DNAJC13: variants seen among roughly 807,000 people sequenced by gnomAD.
The protein encoded by DNAJC13 is DnaJ heat shock protein family (Hsp40) member C13.
In DNAJC13, 75 loss-of-function variants were observed where a neutral mutation model predicts 290.5. That is an observed-to-expected ratio of 0.26 (90% CI 0.21 to 0.31). DNAJC13 has a LOEUF of 0.31. DNAJC13 is among the 10% of genes least tolerant of loss of function. The probability of loss-of-function intolerance (pLI) is 1.00; values close to 1 mark genes in which losing one functional copy is unlikely to be tolerated. For missense variants in DNAJC13, 2,260 were observed against 2,674.5 expected, an observed-to-expected ratio of 0.85 and a Z score of 3.42; for synonymous variants, 862 against 892.0, an observed-to-expected ratio of 0.97 and a Z score of 0.60.
chr3:132,526,092 T>A, intron 52 of DNAJC13, 49 bp from the exon 53 acceptor site: 1 of 1,603,814 alleles, frequency 6.2e-7, no homozygotes, highest in Non-Finnish European at 8.5e-7. Context: ...TTTACTATGT[T>A]ATATAAATAT....
At chr3:132,420,769 TAAGTCC>T (rs1010725991) in intron 1 of DNAJC13, among the ~76,000 whole-genome samples, 4 of 151,980 alleles carry the variant, frequency 2.6e-5, no homozygotes, top group Non-Finnish European at 4.4e-5. Flanking sequence ...AATCATAAAC[TAAGTCC>T]AACTCCTAAC....
Position 132,457,365 on chromosome 3 carries a change from G to A in DNAJC13, c.1446G>A (p.Met482Ile). ...HAAVDMLCALMCPMHDDYDLR... is the reference protein window; with the variant it reads ...HAAVDMLCALICPMHDDYDLR... The stretch of plus-strand genomic sequence containing the variant: ...CAGTTGATATGCTTTGTGCCCTTAT[G>A]TGTGTAAGTAGTAGTTTTCTTAAGG... Residue 482 changes from methionine to isoleucine, a missense_variant, in exon 13 of 56, where the codon ATG (methionine) becomes ATA (isoleucine). Transcript: ENST00000260818. 1.2e-6 allele frequency: 2 copies of A among 1,610,782 alleles called. No individual in the cohort carries two copies. Among genetic ancestry groups the A allele is most frequent in the Non-Finnish European group, 8.5e-7 (1 of 1,178,716 alleles).
At chr3:132,422,784 A>G (rs779548384) in intron 1 of DNAJC13, among the ~76,000 whole-genome samples, 29 of 152,212 alleles carry the variant, frequency 1.9e-4, no homozygotes, top group Admixed American at 3.3e-4. Context: ...TCTTTATTCA[A>G]TAGTCGACAT....
intron 29 of DNAJC13, among the ~76,000 whole-genome samples, chr3:132,487,581 C>CTTTTTTTTTTTTTT (rs1934922655): frequency 2.1e-5 from 1 of 46,846 alleles, no homozygotes; most frequent in African/African-American, 2.8e-4. Flanking sequence ...TTTTTTTTTA[C>CTTTTTTTTTTTTTT]TGGGAGCATT....
At position 132,494,282 on chromosome 3, in the gene DNAJC13, G is replaced by A. The variant is rs544006410; in HGVS notation, c.3941+23G>A. The A allele has an allele frequency of 1.1e-5, 16 of 1,521,264 alleles. No homozygotes were observed. In the East Asian group the frequency reaches 2.3e-4, roughly 21 times the overall value. The allele number at this position is 1,521,264 out of a possible 1,614,324, so 94.2% of individuals were successfully genotyped here. A position where few individuals can be genotyped will look rare whatever the true frequency, so the allele number is the denominator to read the frequency against. On this transcript the variant is annotated intron_variant, in intron 34 of 55. Transcript: ENST00000260818. ...ACCGTGAGTTGTTTTCAGTACAATA[G>A]CAAATGTCTGTCCCACCTTAAAGTA...
intron 6 of DNAJC13, among the ~76,000 whole-genome samples, 185 bp from the exon 7 acceptor site, chr3:132,453,111 GTA>G (rs1933469474): frequency 6.6e-6 from 1 of 152,176 alleles, no homozygotes; most frequent in Non-Finnish European, 1.5e-5. Flanking sequence ...GCAAAGCTCT[GTA>G]TCCCAGACTT....
chr3:132,518,868 A>T (rs746897181), intron 48 of DNAJC13, among the ~76,000 whole-genome samples: 2 of 152,088 alleles, frequency 1.3e-5, no homozygotes, highest in African/African-American at 4.8e-5. Flanking sequence ...TTCCCCTAGC[A>T]CCTGACAACC....
intron 15 of DNAJC13, among the ~76,000 whole-genome samples, chr3:132,461,563 T>C (rs1262157112): frequency 6.6e-6 from 1 of 152,250 alleles, no homozygotes; most frequent in African/African-American, 2.4e-5. Flanking sequence ...ATGCACCTAG[T>C]ACATTATCAT....
intron 36 of DNAJC13, among the ~76,000 whole-genome samples, chr3:132,498,870 C>T (rs1182683402): frequency 6.6e-6 from 1 of 152,030 alleles, no homozygotes; most frequent in Non-Finnish European, 1.5e-5. Context: ...TGCCTGCCAC[C>T]ACACCCGGCT....
At chr3:132,458,643 A>G (rs1027734053) in intron 13 of DNAJC13, among the ~76,000 whole-genome samples, 3 of 152,118 alleles carry the variant, frequency 2.0e-5, no homozygotes, top group African/African-American at 7.2e-5. Flanking sequence ...CAATGTATAT[A>G]TTTTTTAATA....
chr3:132,492,531 C>T lies in DNAJC13; in HGVS notation c.3741C>T (p.Leu1247=), dbSNP rs780003866. 8 of 1,613,604 alleles carry T rather than the reference C, an allele frequency of 5.0e-6. No homozygotes were observed. Among genetic ancestry groups the T allele is most frequent in the Admixed American group, 1.7e-5 (1 of 59,966 alleles). ...CPIPIINYPQ[L]ENELFCNIYY... ...TTCCTATAATCAACTATCCACAACT[C>T]GAAAATGAACTATTTTGTAATATTT... The change falls in exon 33 of 56, where the codon CTC becomes CTT. Residue 1247 remains leucine, a synonymous_variant. Transcript: ENST00000260818.
intron 31 of DNAJC13, 35 bp downstream of exon 31, chr3:132,489,056 G>A (rs1449299455): frequency 6.3e-7 from 1 of 1,581,514 alleles, no homozygotes; most frequent in East Asian, 2.2e-5. Context: ...ACTTAACCCT[G>A]GGTAAGCTGT....
chr3:132,499,998 C>T (rs1358347243), intron 38 of DNAJC13, among the ~76,000 whole-genome samples, 190 bp downstream of exon 38: 1 of 152,164 alleles, frequency 6.6e-6, no homozygotes. Context: ...TTCCAAGTGT[C>T]ATTGATGCTG....
At chr3:132,517,000 A>G (rs965568254) in intron 48 of DNAJC13, among the ~76,000 whole-genome samples, 184 bp downstream of exon 48, 2 of 152,246 alleles carry the variant, frequency 1.3e-5, no homozygotes, top group Non-Finnish European at 2.9e-5. Flanking sequence ...AACTAGAGTC[A>G]GGGCAGGCTG....
At chr3:132,417,940 G>GC (rs959325992) in intron 1 of DNAJC13, among the ~76,000 whole-genome samples, 180 bp downstream of exon 1, 20 of 151,986 alleles carry the variant, frequency 1.3e-4, no homozygotes, top group South Asian at 4.2e-4. Flanking sequence ...TTCGTTGGAC[G>GC]CCCCCCCGGC....
intron 6 of DNAJC13, among the ~76,000 whole-genome samples, chr3:132,451,806 A>C (rs1322494723): frequency 6.6e-6 from 1 of 152,240 alleles, no homozygotes; most frequent in African/African-American, 2.4e-5. Context: ...AAGGGAAATA[A>C]ACAATGATGG....
chr3:132,433,382 T>A (rs778435881), intron 1 of DNAJC13, among the ~76,000 whole-genome samples: 17 of 151,732 alleles, frequency 1.1e-4, no homozygotes, highest in Non-Finnish European at 1.8e-4. Flanking sequence ...CTCAATAGTG[T>A]TATTCAGCCC....
intron 20 of DNAJC13, among the ~76,000 whole-genome samples, chr3:132,471,287 G>C (rs574041756): frequency 3.6e-5 from 5 of 139,872 alleles, no homozygotes; most frequent in Admixed American, 2.1e-4. Flanking sequence ...CTGGCCGGTC[G>C]GGGGGGCTGA....
At chr3:132,421,238 C>T (rs1273719010) in intron 1 of DNAJC13, among the ~76,000 whole-genome samples, 1 of 152,188 alleles carries the variant, frequency 6.6e-6, no homozygotes, top group Non-Finnish European at 1.5e-5. Context: ...TTTCTGCGTT[C>T]ACTTAGTGTT....
Sources: allele counts gnomAD v4.1 joint callset (sites outside exome capture counted in the v4.1 genomes callset), GRCh38; gene constraint gnomAD v4.1.1; transcripts MANE v1.5; gene names NCBI Gene and HGNC (gene_info 2026-07-23, HGNC 2026-07-21).